Variants in ARHGAP21 observed in about 807,000 individuals in gnomAD.
The protein encoded by ARHGAP21 is Rho GTPase activating protein 21, also known as rho GTPase-activating protein 21.
In ARHGAP21, 38 loss-of-function variants were observed where a neutral mutation model predicts 164.6. The observed-to-expected ratio is 0.23, with a 90% CI of 0.18 to 0.30. The LOEUF is 0.30. ARHGAP21 is among the 10% of genes least tolerant of loss of function. The pLI, the probability that ARHGAP21 is intolerant of heterozygous loss-of-function variation, is 1.00. For synonymous variants in ARHGAP21, 766 were observed against 857.9 expected (o/e 0.89, Z 1.87); for missense variants, 1,822 against 2,370.7 (o/e 0.77, Z 4.81).
intron 2 of ARHGAP21, among the ~76,000 whole-genome samples, chr10:24,700,759 A>T (rs1843599993): frequency 6.6e-6 from 1 of 152,212 alleles, no homozygotes; most frequent in Admixed American, 6.5e-5. Context: ...AGTAATATTT[A>T]AAGAAAAACA....
Position 24,620,528 on chromosome 10 carries a change from C to G in ARHGAP21, c.1367G>C (p.Arg456Pro). The G allele has an allele frequency of 2.5e-6, 4 of 1,611,572 alleles. No individual in the cohort carries two copies. Among genetic ancestry groups the G allele is most frequent in the Non-Finnish European group, 3.4e-6 (4 of 1,178,566 alleles). Residue 456 changes from arginine (R) to proline (P), a missense_variant, in exon 9 of 26, where the codon CGC (arginine) becomes CCC (proline). Arg to Pro is a moderately radical substitution (Grantham distance 103, BLOSUM62 -2). This residue lies in a region of ARHGAP21 where 1,090 missense variants were observed against 1,378.9 expected (regional missense o/e 0.79). Transcript: ENST00000396432. The part of the protein sequence containing the change: ...RVPQSVQIRQ[R>P]SVSQERLEDS... ...TTCCAGTCTTTCTTGGGACACACTG[C>G]GTTGCCGTATCTGGACAGACTGGGG...
At chr10:24,689,303 C>T (rs1398176272) in intron 2 of ARHGAP21, among the ~76,000 whole-genome samples, 1 of 152,004 alleles carries the variant, frequency 6.6e-6, no homozygotes, top group Admixed American at 6.6e-5. Context: ...TTTATGAAAA[C>T]ATAATGTATG....
In ARHGAP21 at chr10:24,653,552, G is replaced by A. The variant is rs563047830; in HGVS notation, c.268+13433C>T. 3.0e-3 allele frequency among the ~76,000 whole-genome samples: 454 copies of A among 150,938 alleles called. 2 individuals carry two copies. Among genetic ancestry groups the A allele is most frequent in the Non-Finnish European group, 5.2e-3 (352 of 67,822 alleles). Reference sequence around the variant, plus strand: ...CGCGCCACTGTACTCCAGCCTGGGCGACAGAGAGAGACTCTGTCTCAAAAA... The same window carrying A: ...CGCGCCACTGTACTCCAGCCTGGGCAACAGAGAGAGACTCTGTCTCAAAAA... On this transcript the variant is annotated intron_variant, in intron 4 of 25. Transcript: ENST00000396432.
At chr10:24,690,755 G>A (rs1842688501) in intron 2 of ARHGAP21, among the ~76,000 whole-genome samples, 1 of 151,756 alleles carries the variant, frequency 6.6e-6, no homozygotes, top group Non-Finnish European at 1.5e-5. Context: ...TTGAACCCAG[G>A]AGGTGGAGGT....
At chr10:24,702,197 C>T (rs1843739762) in intron 2 of ARHGAP21, among the ~76,000 whole-genome samples, 1 of 132,506 alleles carries the variant, frequency 7.5e-6, no homozygotes. Flanking sequence ...GTGGCGCGAT[C>T]TCGGCTCACT....
chr10:24,590,628 A>AAAAG, intron 24 of ARHGAP21: 1 of 1,403,068 alleles, frequency 7.1e-7, no homozygotes, highest in Non-Finnish European at 9.2e-7. Flanking sequence ...AGTTTTCATC[A>AAAAG]AAAGAGCCTA....
At chr10:24,690,538 A>T (rs1425767333) in intron 2 of ARHGAP21, among the ~76,000 whole-genome samples, 1 of 152,294 alleles carries the variant, frequency 6.6e-6, no homozygotes, top group Admixed American at 6.5e-5. Flanking sequence ...TAAATAACAT[A>T]GAAAAACAGG....
At chr10:24,718,733 G>A (rs939352876) in intron 2 of ARHGAP21, among the ~76,000 whole-genome samples, 38 of 152,162 alleles carry the variant, frequency 2.5e-4, no homozygotes, top group African/African-American at 8.7e-4. Flanking sequence ...TATTTCATCA[G>A]CCATAATACA....
chr10:24,595,539 A>G (rs2076544507), intron 19 of ARHGAP21, among the ~76,000 whole-genome samples, 178 bp downstream of exon 19: 1 of 152,246 alleles, frequency 6.6e-6, no homozygotes, highest in African/African-American at 2.4e-5. Context: ...GAACAAGATA[A>G]TACATATTTC....
chr10:24,698,442 G>C (rs948306354), intron 2 of ARHGAP21, among the ~76,000 whole-genome samples: 1 of 152,094 alleles, frequency 6.6e-6, no homozygotes, highest in Admixed American at 6.6e-5. Flanking sequence ...CCAAAGTTGC[G>C]GAGGAGGTAG....
rs191021407 is a variant in ARHGAP21, at chr10:24,623,507, C to T, written c.496-745G>A. 7.4e-4 allele frequency among the ~76,000 whole-genome samples: 112 copies of T among 152,264 alleles called. No individual in the cohort carries two copies. The East Asian group carries it at 0.011, about 15-fold the overall frequency. On this transcript the variant is annotated intron_variant, in intron 7 of 25. Coordinates refer to ENST00000396432, the MANE Select transcript of ARHGAP21 (RefSeq NM_020824.4). The stretch of plus-strand genomic sequence containing the variant: ...ACATAGTATTTTTATGGCATGAATA[C>T]AGTTAATCCCAACATGCATTTTGGG...
rs1448427501 is a variant in ARHGAP21 at position 24,594,938 on chromosome 10, C to T, written c.3876+12G>A. The T allele has an allele frequency of 1.3e-6, 2 of 1,583,644 alleles. No individual in the cohort carries two copies. The highest frequency in any genetic ancestry group is 1.7e-5 in the Admixed American group (1 of 59,418). ...ACTAAAAGTACATTTCTTCAATAAGCATTTTACATACCTTATTTTTTTCTG... is the reference window on the plus strand; with the variant it reads ...ACTAAAAGTACATTTCTTCAATAAGTATTTTACATACCTTATTTTTTTCTG... On this transcript the variant is annotated intron_variant, in intron 21 of 25. Coordinates refer to ENST00000396432, the MANE Select transcript of ARHGAP21 (RefSeq NM_020824.4).
intron 4 of ARHGAP21, among the ~76,000 whole-genome samples, chr10:24,642,906 G>T (rs915876332): frequency 2.6e-5 from 4 of 152,154 alleles, no homozygotes; most frequent in African/African-American, 4.8e-5. Context: ...ATAAATGTTT[G>T]CTAATTAAAA....
intron 4 of ARHGAP21, among the ~76,000 whole-genome samples, chr10:24,648,170 G>A (rs192921343): frequency 2.0e-5 from 3 of 152,160 alleles, no homozygotes; most frequent in East Asian, 3.9e-4. Context: ...TTTGCCTCTC[G>A]TTTCTCTATT....
intron 11 of ARHGAP21, among the ~76,000 whole-genome samples, chr10:24,604,919 A>G (rs541299585): frequency 1.3e-5 from 2 of 152,330 alleles, no homozygotes; most frequent in Non-Finnish European, 2.9e-5. Flanking sequence ...GCTTCAGGAG[A>G]CAGGTTCATG....
At chr10:24,611,736 GA>G (rs1477751254) in intron 9 of ARHGAP21, among the ~76,000 whole-genome samples, 1 of 151,866 alleles carries the variant, frequency 6.6e-6, no homozygotes, top group Non-Finnish European at 1.5e-5. Flanking sequence ...AAAAAAAAAG[GA>G]AAAAGAAAAA....
At position 24,597,489 on chromosome 10, in the gene ARHGAP21, G is replaced by A. The variant is rs200623308; in HGVS notation, c.3292C>T (p.His1098Tyr). The change falls in exon 16 of 26, where the codon CAC (histidine) becomes TAC (tyrosine). Residue 1098 changes from histidine to tyrosine, a missense_variant. Physicochemically the swap from His to Tyr is moderately conservative, Grantham distance 83. Around this residue, in one of 5 missense-constraint regions of ARHGAP21, gnomAD observed 1,090 missense variants for 1,378.9 expected, o/e 0.79. Coordinates refer to ENST00000396432, the MANE Select transcript of ARHGAP21 (RefSeq NM_020824.4). ...CTTTCCGACTCTTCCTTCGGAGAGT[G>A]TGGGCTTTGAGTCTTTGGCTCTGAT... ...AKSEPKTQSP[H>Y]SPKEESERKL... 44 of 1,614,004 alleles carry A rather than the reference G, an allele frequency of 2.7e-5. No individual in the cohort carries two copies. The highest frequency in any genetic ancestry group is 3.7e-5 in the Non-Finnish European group (44 of 1,179,996).
chr10:24,706,220 T>C lies in ARHGAP21; in HGVS notation c.63+15617A>G, dbSNP rs137943599. Among the ~76,000 whole-genome samples the C allele has an allele frequency of 5.9e-3, 904 of 152,318 alleles. 10 individuals carry two copies. The highest frequency in any genetic ancestry group is 0.021 in the African/African-American group (867 of 41,560). The stretch of plus-strand genomic sequence containing the variant: ...TTATGTTACAATTATATTGCTTTAA[T>C]TGTTGGCCACTTTTAAGTAATTCAT... On this transcript the variant is annotated intron_variant, in intron 2 of 25. Coordinates refer to ENST00000396432, the MANE Select transcript of ARHGAP21 (RefSeq NM_020824.4).
intron 2 of ARHGAP21, among the ~76,000 whole-genome samples, chr10:24,688,000 C>G (rs1239095842): frequency 6.6e-6 from 1 of 152,214 alleles, no homozygotes; most frequent in African/African-American, 2.4e-5. Flanking sequence ...ATATCAGCAA[C>G]CAATGTTAAT....
Sources: allele counts gnomAD v4.1 joint callset (sites outside exome capture counted in the v4.1 genomes callset), GRCh38; gene constraint gnomAD v4.1.1; regional missense constraint gnomAD v4.1.1; transcripts MANE v1.5; gene names NCBI Gene and HGNC (gene_info 2026-07-23, HGNC 2026-07-21).